Variants in MFSD12 observed in about 807,000 individuals in gnomAD.
MFSD12 encodes major facilitator superfamily domain containing 12, also known as major facilitator superfamily domain-containing protein 12.
A neutral mutation model predicts 51.2 loss-of-function variants in MFSD12; 67 were observed. The ratio of observed to expected loss-of-function variants is 1.31; its 90% CI spans 1.08 to 1.60. MFSD12 has a LOEUF of 1.60. MFSD12 is among the 40% of genes most tolerant of loss of function. The pLI, the probability that MFSD12 is intolerant of heterozygous loss-of-function variation, is 0.00. For missense variants in MFSD12, 921 were observed against 673.0 expected, an observed-to-expected ratio of 1.37 and a Z score of -4.08; for synonymous variants, 441 against 316.7, an observed-to-expected ratio of 1.39 and a Z score of -4.17.
chr19:3,542,146 A>T (rs2030470038), downstream of MFSD12: 2 of 985,258 alleles, frequency 2.0e-6, no homozygotes, highest in Non-Finnish European at 2.4e-6. Flanking sequence ...TAAAAGCTAC[A>T]TGTGTCTTGC....
downstream of MFSD12, chr19:3,543,583 C>G (rs187069995): frequency 1.2e-5 from 18 of 1,543,774 alleles, no homozygotes; most frequent in East Asian, 4.9e-5. Context: ...GGGAGACCGC[C>G]TGGCATGACC....
At chr19:3,543,974 G>A, downstream of MFSD12, 1 of 1,549,270 alleles carries the variant, frequency 6.5e-7, no homozygotes, top group Middle Eastern at 1.7e-4. Context: ...CCACCTGCCA[G>A]CGGTCCCCGC....
downstream of MFSD12, chr19:3,543,070 T>G: frequency 6.3e-7 from 1 of 1,591,336 alleles, no homozygotes; most frequent in Non-Finnish European, 8.5e-7. Context: ...GCACCCACTC[T>G]GGGGTGAGGG....
chr19:3,540,097 T>TC (rs2030244220), downstream of MFSD12: 2 of 145,052 alleles, frequency 1.4e-5, no homozygotes, highest in Non-Finnish European at 3.0e-5. Flanking sequence ...TTCTTTTTTT[T>TC]TTTTTTTTTT....
chr19:3,551,465 C>T lies in MFSD12; in HGVS notation c.299-271G>A, dbSNP rs141151716. ...GGGGGTCCCCCGGAAACCTGCCCCC[C>T]ACAGGTGCCCCGGTTACAGCCGCAG... On this transcript the variant is annotated intron_variant, in intron 1 of 9. Transcript: ENST00000355415. The surrounding 1 kb of genome is among the most constrained non-coding windows in gnomAD (Gnocchi z 4.6). Among the ~76,000 whole-genome samples, 496 of 152,278 alleles carry T rather than the reference C, an allele frequency of 3.3e-3. 10 individuals carry two copies. The highest frequency in any genetic ancestry group is 6.8e-3 in the Middle Eastern group (2 of 294).
At chr19:3,545,786 T>G (rs1186598264) in intron 8 of MFSD12, among the ~76,000 whole-genome samples, 2 of 152,224 alleles carry the variant, frequency 1.3e-5, no homozygotes, top group South Asian at 2.1e-4. Context: ...CTGAGTTCTG[T>G]GGGTCTGGGT....
chr19:3,557,183 G>T lies in MFSD12; in HGVS notation c.221C>A (p.Pro74Gln). The T allele has an allele frequency of 3.9e-6, 6 of 1,554,400 alleles. No individual in the cohort carries two copies. The highest frequency in any genetic ancestry group is 5.2e-6 in the Non-Finnish European group (6 of 1,152,822). The change falls in exon 1 of 10, where the codon CCG becomes CAG. Residue 74 changes from proline to glutamine, a missense_variant. Pro to Gln is a moderately conservative substitution (Grantham distance 76). Transcript: ENST00000355415. ...GCGGTCGGCCTCGTAGCCCACGAGC[G>T]GTGTGCACAGCCCGTCGGCCACCTG... The part of the protein sequence containing the change: ...LGQVADGLCT[P>Q]LVGYEADRAA...
chr19:3,556,281 T>C lies in MFSD12; in HGVS notation c.298+825A>G, dbSNP rs534631290. ...ATAGACGAGCTCAGGCTAGACAGAC[T>C]GACAAAGGAGGCGCTGAGCAGTCAC... On this transcript the variant is annotated intron_variant, in intron 1 of 9. Transcript: ENST00000355415. Among the ~76,000 whole-genome samples, 220 of 152,246 alleles carry C rather than the reference T, an allele frequency of 1.4e-3. 1 individual carries two copies. The highest frequency in any genetic ancestry group is 5.2e-3 in the African/African-American group (215 of 41,546).
downstream of MFSD12, chr19:3,542,364 T>G: frequency 1.0e-6 from 1 of 985,408 alleles, no homozygotes; most frequent in Non-Finnish European, 1.2e-6. Context: ...CAGATGAGAT[T>G]GTTTTGAACC....
chr19:3,548,401 G>A, intron 2 of MFSD12, 134 bp from the exon 3 acceptor site: 1 of 1,243,954 alleles, frequency 8.0e-7, no homozygotes, highest in Non-Finnish European at 1.1e-6. Context: ...CACACTGGGT[G>A]GCCTCCAGGA....
chr19:3,545,314 AGCTCTCT>A (rs1416973404), intron 8 of MFSD12, among the ~76,000 whole-genome samples: 1 of 152,068 alleles, frequency 6.6e-6, no homozygotes, highest in Non-Finnish European at 1.5e-5. Flanking sequence ...TTCTGCCCAC[AGCTCTCT>A]GTGAGTCCCA....
In MFSD12 at chr19:3,547,970, T is replaced by G; in HGVS notation, c.715A>C (p.Thr239Pro). ...AVFSLLFHLG[T>P]RERRRPHAEE... ...GCATGCGGCCGGCGCCTCTCCCGGG[T>G]GCCCAGGTGGAATAGCAGTGAGAAC... is the stretch of plus-strand genomic sequence containing the variant. Residue 239 changes from threonine to proline, a missense_variant, in exon 4 of 10, where the codon ACC becomes CCC. By Grantham distance (38) the Thr-to-Pro change is conservative (BLOSUM62 -1). Coordinates refer to ENST00000355415, the MANE Select transcript of MFSD12 (RefSeq NM_174983.5). The G allele has an allele frequency of 1.3e-6, 2 of 1,596,844 alleles. No individual in the cohort carries two copies. The highest frequency in any genetic ancestry group is 2.7e-5 in the African/African-American group (2 of 74,514).
intron 5 of MFSD12, 23 bp downstream of exon 5, chr19:3,547,432 C>T (rs1304812281): frequency 1.1e-5 from 18 of 1,611,610 alleles, no homozygotes; most frequent in South Asian, 2.2e-5. Flanking sequence ...CCCATCCCAG[C>T]GTCCCCGCCC....
intron 6 of MFSD12, among the ~76,000 whole-genome samples, chr19:3,547,027 A>G (rs1445401568): frequency 6.6e-6 from 1 of 151,996 alleles, no homozygotes; most frequent in Non-Finnish European, 1.5e-5. Flanking sequence ...TTTAGTAGAG[A>G]CGGGGTTTCA....
chr19:3,549,603 G>C (rs530716308), intron 2 of MFSD12, among the ~76,000 whole-genome samples: 6 of 151,408 alleles, frequency 4.0e-5, no homozygotes, highest in Admixed American at 2.0e-4. Flanking sequence ...GGTGCCTGTA[G>C]TCCCAGCTAC....
downstream of MFSD12, chr19:3,542,121 G>A (rs1479899616): frequency 3.0e-6 from 3 of 985,220 alleles, no homozygotes; most frequent in Non-Finnish European, 3.6e-6. Flanking sequence ...ATTTTGTGCT[G>A]TTTTAATTGT....
downstream of MFSD12, chr19:3,543,579 C>G (rs771841478): frequency 6.5e-6 from 10 of 1,542,174 alleles, no homozygotes; most frequent in South Asian, 1.2e-4. Flanking sequence ...CTGCGGGAGA[C>G]CGCCTGGCAT....
At chr19:3,543,430 C>T (rs771636268), downstream of MFSD12, 18 of 1,545,760 alleles carry the variant, frequency 1.2e-5, no homozygotes, top group East Asian at 4.2e-4. Context: ...CCTACAACCG[C>T]TGGCACAGCT....
intron 2 of MFSD12, among the ~76,000 whole-genome samples, chr19:3,548,507 C>G (rs1180690542): frequency 2.0e-5 from 3 of 152,204 alleles, no homozygotes; most frequent in Non-Finnish European, 4.4e-5. Context: ...GACCAGGGTA[C>G]AGTGACTCGG....
Sources: gnomAD v4.1 joint callset for allele counts (sites outside exome capture counted in the v4.1 genomes callset) on GRCh38, gnomAD v4.1.1 for gene constraint, Gnocchi (gnomAD v3.1) non-coding constraint, MANE v1.5 for transcripts, NCBI Gene and HGNC (gene_info 2026-07-23, HGNC 2026-07-21) for gene names.